Variants in NEBL observed in about 807,000 individuals in gnomAD.
The protein encoded by NEBL is nebulette, also known as LIM and SH3 protein 2.
A neutral mutation model predicts 140.2 loss-of-function variants in NEBL; 122 were observed. The observed-to-expected ratio is 0.87, with a 90% confidence interval of 0.75 to 1.01. The LOEUF is 1.01. Among genes scored for constraint, NEBL ranks in the 50% least tolerant of loss-of-function variants. The pLI, the probability that NEBL is intolerant of heterozygous loss-of-function variation, is 0.00. For synonymous variants in NEBL, 436 were observed against 398.9 expected (o/e 1.09, Z -1.11); for missense variants, 1,365 against 1,231.3 (o/e 1.11, Z -1.62).
chr10:21,246,615 G>A (rs746552942), intron 3 of NEBL, among the ~76,000 whole-genome samples: 5 of 151,994 alleles, frequency 3.3e-5, no homozygotes, highest in Non-Finnish European at 5.9e-5. Flanking sequence ...GGAGGCCAAG[G>A]CAGGAGGATC....
intron 4 of NEBL, among the ~76,000 whole-genome samples, chr10:20,943,266 T>C (rs935893351): frequency 1.3e-5 from 2 of 152,128 alleles, no homozygotes; most frequent in African/African-American, 4.8e-5. Context: ...GCCATAAAAA[T>C]TGATGAGTTC....
At chr10:21,226,489 A>G (rs926525815) in intron 3 of NEBL, among the ~76,000 whole-genome samples, 11 of 152,082 alleles carry the variant, frequency 7.2e-5, no homozygotes, top group African/African-American at 2.7e-4. Context: ...CTGCCTTTCA[A>G]GTTTATTTAG....
At chr10:21,287,033 A>T (rs532716591) in intron 1 of NEBL, among the ~76,000 whole-genome samples, 24 of 152,184 alleles carry the variant, frequency 1.6e-4, no homozygotes, top group Non-Finnish European at 3.1e-4. Context: ...CAGAATGAGA[A>T]TCTGAGCAGA....
At chr10:21,074,621 G>C (rs545594426) in intron 2 of NEBL, among the ~76,000 whole-genome samples, 1 of 151,566 alleles carries the variant, frequency 6.6e-6, no homozygotes, top group East Asian at 2.0e-4. Flanking sequence ...GGGACTGCAG[G>C]TGCACACCAC....
chr10:20,836,736 G>A (rs1840931047), intron 13 of NEBL, among the ~76,000 whole-genome samples: 2 of 151,822 alleles, frequency 1.3e-5, no homozygotes, highest in Non-Finnish European at 2.9e-5. Flanking sequence ...CAGGGACTCT[G>A]GCCTTGCAGA....
rs531091030 is a variant in NEBL, at chr10:20,941,687, A to T, written c.357+19985T>A. 1.4e-4 allele frequency among the ~76,000 whole-genome samples: 22 copies of T among 151,844 alleles called. No individual in the cohort carries two copies. In the South Asian group the frequency reaches 4.6e-3, roughly 32 times the overall value. On this transcript the variant is annotated intron_variant, in intron 4 of 6. Transcript: ENST00000417816. ...CATGATTGTATATCTAGAAAACCCCATCGTCTCAGCCCAAAACCTCCTTAA... is the reference window on the plus strand; with the variant it reads ...CATGATTGTATATCTAGAAAACCCCTTCGTCTCAGCCCAAAACCTCCTTAA...
intron 2 of NEBL, among the ~76,000 whole-genome samples, chr10:21,092,701 G>A (rs1199889891): frequency 6.6e-6 from 1 of 151,738 alleles, no homozygotes; most frequent in African/African-American, 2.4e-5. Flanking sequence ...AATAGTTCCA[G>A]TTCTTCAAAG....
rs530486760 is a variant in NEBL at position 21,019,025 on chromosome 10, C to G, written c.249+1092G>C. Reference sequence around the variant, plus strand: ...CTGGGCAACAGAGCAAGACTCCGTTCTCCCACCCCTCCCCCCAGAAAAAGA... The same window carrying G: ...CTGGGCAACAGAGCAAGACTCCGTTGTCCCACCCCTCCCCCCAGAAAAAGA... On this transcript the variant is annotated intron_variant, in intron 3 of 6. Coordinates refer to the NEBL transcript ENST00000417816. Among the ~76,000 whole-genome samples the G allele has an allele frequency of 5.9e-5, 9 of 152,152 alleles. No homozygotes were observed. In the South Asian group the frequency reaches 1.9e-3, roughly 32 times the overall value.
At chr10:20,925,976 G>T (rs372255579) in intron 4 of NEBL, among the ~76,000 whole-genome samples, 4 of 152,134 alleles carry the variant, frequency 2.6e-5, no homozygotes, top group Non-Finnish European at 5.9e-5. Flanking sequence ...TCGTAAACAG[G>T]TGTCCATAAC....
rs12219100 is a variant in NEBL, at chr10:20,977,435, T to C, written c.250-15656A>G. On this transcript the variant is annotated intron_variant, in intron 3 of 6. Coordinates refer to the NEBL transcript ENST00000417816. ...CATAACCTTATCAAATTTCTAGTTA[T>C]AGTACAAATAGAGGTAACAAACCAT... Among the ~76,000 whole-genome samples the C allele has an allele frequency of 0.023, 3,432 of 152,244 alleles. 403 individuals are homozygous for C. The East Asian group carries it at 0.36, about 16-fold the overall frequency.
chr10:21,226,006 C>T (rs750839356), intron 3 of NEBL, among the ~76,000 whole-genome samples: 14 of 152,064 alleles, frequency 9.2e-5, no homozygotes, highest in African/African-American at 1.4e-4. Flanking sequence ...CACCTGAAGC[C>T]GGCACATCTC....
chr10:21,031,696 G>A (rs529415041), intron 2 of NEBL, among the ~76,000 whole-genome samples: 38 of 152,132 alleles, frequency 2.5e-4, no homozygotes, highest in Non-Finnish European at 4.0e-4. Flanking sequence ...TCTGCTGCCT[G>A]GGCAGTTTCT....
At chr10:21,070,118 C>A (rs918143165) in intron 2 of NEBL, 15 of 385,014 alleles carry the variant, frequency 3.9e-5, no homozygotes, top group Non-Finnish European at 6.8e-5. Context: ...GGGGACTTTT[C>A]GGGAGGCAAA....
intron 24 of NEBL, 49 bp downstream of exon 24, chr10:20,812,720 C>A (rs771390703): frequency 1.2e-6 from 2 of 1,606,214 alleles, no homozygotes; most frequent in South Asian, 2.2e-5. Context: ...CTAGAGCAAG[C>A]ATGATCTTTT....
chr10:21,007,838 T>A (rs1401721867), intron 3 of NEBL, among the ~76,000 whole-genome samples: 1 of 152,194 alleles, frequency 6.6e-6, no homozygotes, highest in Non-Finnish European at 1.5e-5. Context: ...AAAGATCTCA[T>A]TACCACACTT....
chr10:20,814,617 T>TACACACACACACACACACACAC (rs3990287), intron 22 of NEBL, among the ~76,000 whole-genome samples: 5 of 146,416 alleles, frequency 3.4e-5, no homozygotes, highest in African/African-American at 1.3e-4. Flanking sequence ...CATACACACA[T>TACACACACACACACACACACAC]ACACACACAC....
intron 2 of NEBL, among the ~76,000 whole-genome samples, chr10:21,125,227 TACACAC>T (rs59284447): frequency 1.4e-5 from 2 of 148,102 alleles, no homozygotes; most frequent in Admixed American, 6.7e-5. Flanking sequence ...CACATGCATA[TACACAC>T]ACACACACAC....
intron 3 of NEBL, among the ~76,000 whole-genome samples, chr10:20,966,973 T>C (rs1836342378): frequency 6.6e-6 from 1 of 152,142 alleles, no homozygotes; most frequent in African/African-American, 2.4e-5. Flanking sequence ...ATAAATGGTA[T>C]GTTTATGACC....
At chr10:20,878,545 G>C (rs1845725508) in intron 5 of NEBL, among the ~76,000 whole-genome samples, 1 of 152,158 alleles carries the variant, frequency 6.6e-6, no homozygotes, top group Admixed American at 6.5e-5. Context: ...ACTGAACCAA[G>C]AGATGTACTT....
Sources: allele counts gnomAD v4.1 joint callset (sites outside exome capture counted in the v4.1 genomes callset), GRCh38; gene constraint gnomAD v4.1.1; transcripts MANE v1.5; gene names NCBI Gene and HGNC (gene_info 2026-07-23, HGNC 2026-07-21).